Variants in COL24A1 observed in about 807,000 individuals in gnomAD.
The protein encoded by COL24A1 is collagen alpha-1(XXIV) chain.
Under a neutral mutation model 253.9 loss-of-function variants are expected in COL24A1, and 224 were observed. The observed-to-expected ratio is 0.88, with a 90% CI of 0.79 to 0.99. COL24A1 has a LOEUF of 0.99. Among genes scored for constraint, COL24A1 ranks in the 50% least tolerant of loss-of-function variants. The pLI is 0.00. For synonymous variants in COL24A1, 685 were observed against 673.7 expected (o/e 1.02, Z -0.26); for missense variants, 2,131 against 2,068.5 (o/e 1.03, Z -0.59).
intron 31 of COL24A1, among the ~76,000 whole-genome samples, chr1:85,894,201 A>C (rs1683423060): frequency 6.6e-6 from 1 of 152,212 alleles, no homozygotes; most frequent in Admixed American, 6.5e-5. Context: ...AGAAGGAGAC[A>C]ATGTAGGTAT....
intron 47 of COL24A1, among the ~76,000 whole-genome samples, chr1:85,796,096 T>C (rs931038595): frequency 2.6e-5 from 4 of 152,200 alleles, no homozygotes; most frequent in Admixed American, 2.6e-4. Flanking sequence ...GATTTATGAA[T>C]GAGCTATATA....
chr1:86,007,718 A>G, intron 19 of COL24A1, among the ~76,000 whole-genome samples: 1 of 152,226 alleles, frequency 6.6e-6, no homozygotes, highest in East Asian at 1.9e-4. Context: ...AAAAGGCTAC[A>G]TACTGTACGA....
At chr1:85,774,183 C>T (rs1254767896) in intron 53 of COL24A1, among the ~76,000 whole-genome samples, 3 of 152,070 alleles carry the variant, frequency 2.0e-5, no homozygotes, top group Non-Finnish European at 2.9e-5. Flanking sequence ...TATTAATTTG[C>T]GTATGTTGAA....
intron 47 of COL24A1, among the ~76,000 whole-genome samples, chr1:85,793,291 TG>T (rs1308168770): frequency 2.0e-5 from 3 of 152,186 alleles, no homozygotes; most frequent in Non-Finnish European, 4.4e-5. Context: ...TATAGGTTCA[TG>T]TTCCTCAGCT....
intron 18 of COL24A1, among the ~76,000 whole-genome samples, chr1:86,018,954 C>T (rs1313000790): frequency 6.6e-6 from 1 of 152,008 alleles, no homozygotes; most frequent in Non-Finnish European, 1.5e-5. Context: ...CTTCTTATAT[C>T]TTGAAAATAT....
intron 7 of COL24A1, among the ~76,000 whole-genome samples, chr1:86,070,814 T>C (rs2101837452): frequency 6.6e-6 from 1 of 151,824 alleles, no homozygotes; most frequent in African/African-American, 2.4e-5. Flanking sequence ...ACACCAGACC[T>C]GTCCTACAAA....
chr1:85,945,002 GTTTTTTTTTTTTTTTTT>G (rs1165341082), intron 24 of COL24A1, among the ~76,000 whole-genome samples: 3 of 35,366 alleles, frequency 8.5e-5, no homozygotes, highest in African/African-American at 2.4e-4. Context: ...CTATCATTGT[GTTTTTTTTTTTTTTTTT>G]TTTTTTTTTT....
At chr1:86,099,006 A>G (rs1027816859) in intron 5 of COL24A1, among the ~76,000 whole-genome samples, 1 of 152,186 alleles carries the variant, frequency 6.6e-6, no homozygotes, top group African/African-American at 2.4e-5. Context: ...TGCAAAATAC[A>G]CAATCTTTTG....
At chr1:86,103,077 T>G (rs1341049727) in intron 5 of COL24A1, among the ~76,000 whole-genome samples, 1 of 152,218 alleles carries the variant, frequency 6.6e-6, no homozygotes, top group Admixed American at 6.5e-5. Context: ...TTGGGATGCA[T>G]ATATATTTAG....
At chr1:85,823,873 G>T in intron 43 of COL24A1, 135 bp from the exon 44 acceptor site, 1 of 760,910 alleles carries the variant, frequency 1.3e-6, no homozygotes, top group Non-Finnish European at 2.1e-6. Context: ...GATTCTTCTT[G>T]GAAATAGAAA....
chr1:85,742,908 C>T (rs534634459), intron 57 of COL24A1, among the ~76,000 whole-genome samples: 22 of 152,134 alleles, frequency 1.4e-4, no homozygotes, highest in South Asian at 4.2e-4. Context: ...AATAATGGAA[C>T]GCTAAGCATA....
At chr1:85,932,991 G>T (rs1262920204) in intron 24 of COL24A1, among the ~76,000 whole-genome samples, 12 of 132,980 alleles carry the variant, frequency 9.0e-5, no homozygotes, top group African/African-American at 3.5e-4. Context: ...AATGCTAGAT[G>T]ACACATTAGT....
intron 32 of COL24A1, among the ~76,000 whole-genome samples, chr1:85,885,432 G>A (rs543093705): frequency 6.8e-6 from 1 of 147,410 alleles, no homozygotes; most frequent in Admixed American, 7.0e-5. Flanking sequence ...TGTTGGCCAG[G>A]CTGATCTCAA....
chr1:85,745,646 A>G (rs890286396), intron 55 of COL24A1, 140 bp from the exon 56 acceptor site: 2 of 507,536 alleles, frequency 3.9e-6, no homozygotes, highest in Non-Finnish European at 6.6e-6. Flanking sequence ...TCTTACGGTT[A>G]GACAGATTTT....
chr1:85,781,975 T>C (rs1259837899), intron 51 of COL24A1, among the ~76,000 whole-genome samples: 1 of 152,230 alleles, frequency 6.6e-6, no homozygotes, highest in African/African-American at 2.4e-5. Context: ...GCTTCCGTGG[T>C]TCTTCAGAAA....
chr1:85,833,710 C>T (rs1383714730), intron 43 of COL24A1, among the ~76,000 whole-genome samples: 2 of 152,066 alleles, frequency 1.3e-5, no homozygotes, highest in African/African-American at 2.4e-5. Context: ...AGACTTGGAA[C>T]CAACCCAAAT....
chr1:86,116,757 C>T (rs1486758187), intron 3 of COL24A1, among the ~76,000 whole-genome samples: 1 of 151,980 alleles, frequency 6.6e-6, no homozygotes, highest in Non-Finnish European at 1.5e-5. Context: ...CCATGTTTTT[C>T]CTTTAGTTGC....
rs911457676 is a variant in COL24A1, at chr1:86,028,694, T to C, written c.2049+3184A>G. Among the ~76,000 whole-genome samples the C allele has an allele frequency of 3.3e-5, 5 of 152,220 alleles. No individual in the cohort carries two copies. In the East Asian group the frequency reaches 7.7e-4, roughly 23 times the overall value. Reference sequence around the variant, plus strand: ...TTATCATTAGCCATTTCCTTTTCTGTAGAATCTCTTCCCATGAACTGAAAG... The same window carrying C: ...TTATCATTAGCCATTTCCTTTTCTGCAGAATCTCTTCCCATGAACTGAAAG... On this transcript the variant is annotated intron_variant, in intron 14 of 59. Transcript: ENST00000370571.
At chr1:86,014,938 C>T (rs1571604547) in intron 19 of COL24A1, among the ~76,000 whole-genome samples, 1 of 152,114 alleles carries the variant, frequency 6.6e-6, no homozygotes, top group South Asian at 2.1e-4. Context: ...ATTCCTTTCT[C>T]TTGCTTAAAT....
Sources: gnomAD v4.1 joint callset for allele counts (sites outside exome capture counted in the v4.1 genomes callset) on GRCh38, gnomAD v4.1.1 for gene constraint, MANE v1.5 for transcripts, NCBI Gene and HGNC (gene_info 2026-07-23, HGNC 2026-07-21) for gene names.